Variants in GPC6 observed in about 807,000 individuals in gnomAD.
The protein encoded by GPC6 is glypican-6.
Under a neutral mutation model 55.2 loss-of-function variants are expected in GPC6, and 14 were observed. The ratio of observed to expected loss-of-function variants is 0.25; its 90% CI spans 0.17 to 0.40. The LOEUF (loss-of-function observed/expected upper bound fraction) is 0.40. Among genes scored for constraint, GPC6 ranks in the 10% least tolerant of loss-of-function variants. The pLI, the probability that GPC6 is intolerant of heterozygous loss-of-function variation, is 1.00. For synonymous variants in GPC6, 278 were observed against 259.6 expected (o/e 1.07, Z -0.68); for missense variants, 641 against 708.5 (o/e 0.90, Z 1.08).
chr13:94,366,264 T>C (rs981685063), intron 6 of GPC6, among the ~76,000 whole-genome samples: 10 of 152,348 alleles, frequency 6.6e-5, no homozygotes, highest in African/African-American at 1.2e-4. Context: ...TTTTCTCACA[T>C]TGGCAAAATT....
chr13:94,284,151 G>C (rs191645105), intron 4 of GPC6, among the ~76,000 whole-genome samples: 1 of 152,262 alleles, frequency 6.6e-6, no homozygotes, highest in East Asian at 1.9e-4. Context: ...GATGCACGTG[G>C]CTGCTCAGTG....
intron 6 of GPC6, among the ~76,000 whole-genome samples, chr13:94,375,248 A>G (rs1879786664): frequency 6.6e-6 from 1 of 152,308 alleles, no homozygotes; most frequent in Middle Eastern, 3.4e-3. Flanking sequence ...ACAAAAAATT[A>G]ATGAATCCAG....
chr13:93,744,703 G>T (rs1008161009), intron 2 of GPC6, among the ~76,000 whole-genome samples: 5 of 151,626 alleles, frequency 3.3e-5, no homozygotes, highest in African/African-American at 1.2e-4. Context: ...ACTTTGGGAG[G>T]CTGACGCAGG....
At chr13:93,658,370 TTATTC>T (rs1415402167) in intron 2 of GPC6, among the ~76,000 whole-genome samples, 1 of 151,956 alleles carries the variant, frequency 6.6e-6, no homozygotes, top group Non-Finnish European at 1.5e-5. Flanking sequence ...TTTTAGGAAA[TTATTC>T]TATTGTATTA....
chr13:93,932,538 T>C (rs1878229735), intron 3 of GPC6, among the ~76,000 whole-genome samples: 1 of 151,994 alleles, frequency 6.6e-6, no homozygotes, highest in Admixed American at 6.6e-5. Context: ...TCCAAAAGAG[T>C]GTTATCTATG....
chr13:93,549,233 C>T (rs1874991740), intron 2 of GPC6, among the ~76,000 whole-genome samples: 1 of 152,124 alleles, frequency 6.6e-6, no homozygotes, highest in Admixed American at 6.5e-5. Context: ...GCCAAACACC[C>T]CAGGCAACAA....
intron 4 of GPC6, among the ~76,000 whole-genome samples, chr13:94,046,706 A>G (rs1883744533): frequency 6.6e-6 from 1 of 151,842 alleles, no homozygotes; most frequent in South Asian, 2.1e-4. Context: ...TCTTATATTT[A>G]TGTTGTTTTC....
At chr13:94,370,606 C>A (rs1879498727) in intron 6 of GPC6, among the ~76,000 whole-genome samples, 1 of 152,174 alleles carries the variant, frequency 6.6e-6, no homozygotes, top group East Asian at 1.9e-4. Context: ...TTTCTTGTCT[C>A]ATTAAATCGA....
At chr13:93,268,457 T>C (rs1877399451) in intron 1 of GPC6, among the ~76,000 whole-genome samples, 1 of 152,208 alleles carries the variant, frequency 6.6e-6, no homozygotes, top group African/African-American at 2.4e-5. Context: ...GAATGTGAGC[T>C]ATGGCTTTCA....
At chr13:93,781,051 G>T (rs1885629285) in intron 2 of GPC6, among the ~76,000 whole-genome samples, 2 of 151,958 alleles carry the variant, frequency 1.3e-5, no homozygotes, top group Admixed American at 1.3e-4. Context: ...GCTGAGGCGG[G>T]TGGATCACAA....
intron 4 of GPC6, among the ~76,000 whole-genome samples, chr13:94,251,314 A>C (rs1474809650): frequency 6.6e-6 from 1 of 151,416 alleles, no homozygotes; most frequent in Non-Finnish European, 1.5e-5. Context: ...GGTGGGGGGC[A>C]AAGCGGGGGA....
chr13:93,401,414 T>C (rs1374133659), intron 1 of GPC6, among the ~76,000 whole-genome samples: 1 of 151,916 alleles, frequency 6.6e-6, no homozygotes. Context: ...CAAAGTATAA[T>C]AGAAAACACT....
chr13:94,067,066 A>C (rs758920487), intron 4 of GPC6, among the ~76,000 whole-genome samples: 4 of 152,174 alleles, frequency 2.6e-5, no homozygotes, highest in Non-Finnish European at 5.9e-5. Context: ...CTTTTAGGTA[A>C]TAAGTAAGTT....
intron 4 of GPC6, among the ~76,000 whole-genome samples, chr13:94,219,118 T>C (rs1166864070): frequency 6.6e-6 from 1 of 152,144 alleles, no homozygotes; most frequent in African/African-American, 2.4e-5. Flanking sequence ...TTGGGGGTGA[T>C]AGAGTAACCA....
chr13:93,673,320 A>G (rs190043291), intron 2 of GPC6, among the ~76,000 whole-genome samples: 18 of 152,318 alleles, frequency 1.2e-4, no homozygotes, highest in Admixed American at 1.2e-3. Context: ...TCATGAATGT[A>G]TCTTTTAATT....
chr13:93,486,293 T>C (rs889915249), intron 1 of GPC6, among the ~76,000 whole-genome samples: 1 of 152,182 alleles, frequency 6.6e-6, no homozygotes, highest in African/African-American at 2.4e-5. Context: ...TGAGGAATTA[T>C]ACATGACAAG....
chr13:94,144,612 A>G (rs1887498915), intron 4 of GPC6, among the ~76,000 whole-genome samples: 1 of 151,862 alleles, frequency 6.6e-6, no homozygotes, highest in South Asian at 2.1e-4. Flanking sequence ...GTGTGCAAAC[A>G]CTAGTTTAAC....
intron 4 of GPC6, among the ~76,000 whole-genome samples, chr13:94,155,283 C>T (rs1226976134): frequency 1.3e-5 from 2 of 152,118 alleles, no homozygotes; most frequent in African/African-American, 4.8e-5. Flanking sequence ...TCATCATTCT[C>T]CTAATGACCC....
At chr13:94,183,736 A>G (rs1035317464) in intron 4 of GPC6, among the ~76,000 whole-genome samples, 2 of 152,188 alleles carry the variant, frequency 1.3e-5, no homozygotes, top group African/African-American at 4.8e-5. Context: ...ATTGTTTCTT[A>G]GGATTCTTCC....
Sources: allele counts gnomAD v4.1 joint callset (sites outside exome capture counted in the v4.1 genomes callset), GRCh38; gene constraint gnomAD v4.1.1; transcripts MANE v1.5; gene names NCBI Gene and HGNC (gene_info 2026-07-23, HGNC 2026-07-21).